The following TLN2 variants were observed in gnomAD, a reference collection of about 807,000 sequenced individuals.
The protein encoded by TLN2 is talin 2.
A neutral mutation model predicts 294.7 loss-of-function variants in TLN2; 118 were observed. The ratio of observed to expected loss-of-function variants is 0.40; its 90% CI spans 0.34 to 0.47. TLN2 has a LOEUF of 0.47. Ranked by LOEUF, TLN2 falls within the 20% of genes least tolerant of loss-of-function variation. The pLI is 0.84. For missense variants in TLN2, 3,083 were observed against 3,282.2 expected (o/e 0.94, Z 1.48); for synonymous variants, 1,431 against 1,304.5 (o/e 1.10, Z -2.09).
intron 3 of TLN2, among the ~76,000 whole-genome samples, chr15:62,642,753 A>C (rs570057391): frequency 4.7e-5 from 7 of 149,062 alleles, no homozygotes; most frequent in African/African-American, 1.7e-4. Flanking sequence ...GCTGGGGTGC[A>C]GTGGCACAAT....
intron 1 of TLN2, among the ~76,000 whole-genome samples, chr15:62,556,911 A>C (rs117444482): frequency 0.022 from 3,413 of 152,358 alleles, 44 homozygotes; most frequent in Non-Finnish European, 0.025. Flanking sequence ...GTATCAAATT[A>C]ACTGTAATCA....
In TLN2 at chr15:62,833,488, T is replaced by C; in HGVS notation, c.7003-16T>C. Reference sequence around the variant, plus strand: ...GGATATGAATTGAATGTGATGCTGTTTTCTTTTGGTTATAGCAAGCGGATG... The same window carrying C: ...GGATATGAATTGAATGTGATGCTGTCTTCTTTTGGTTATAGCAAGCGGATG... On this transcript the variant is annotated splice_polypyrimidine_tract_variant and intron_variant, in intron 54 of 58. Transcript: ENST00000636159. The C allele has an allele frequency of 6.2e-7, 1 of 1,612,068 alleles. No individual in the cohort carries two copies. The highest frequency in any genetic ancestry group is 2.2e-5 in the East Asian group (1 of 44,814).
chr15:62,493,695 C>A (rs1435765270), intron 1 of TLN2, among the ~76,000 whole-genome samples: 5 of 150,026 alleles, frequency 3.3e-5, no homozygotes, highest in Non-Finnish European at 5.9e-5. Flanking sequence ...ACTGTAGCTT[C>A]CGCCTCCCGG....
intron 1 of TLN2, among the ~76,000 whole-genome samples, chr15:62,544,344 G>A (rs1268316031): frequency 6.6e-6 from 1 of 152,086 alleles, no homozygotes; most frequent in Non-Finnish European, 1.5e-5. Flanking sequence ...GCCAACACTC[G>A]TGGTCTCTGC....
At chr15:62,706,919 C>CT (rs2059110449) in intron 19 of TLN2, among the ~76,000 whole-genome samples, 167 bp from the exon 20 acceptor site, 1 of 152,070 alleles carries the variant, frequency 6.6e-6, no homozygotes, top group Non-Finnish European at 1.5e-5. Flanking sequence ...TACAAGTCTC[C>CT]TTTTTTAATT....
chr15:62,579,390 T>C (rs973114433), intron 1 of TLN2, among the ~76,000 whole-genome samples: 10 of 152,224 alleles, frequency 6.6e-5, no homozygotes, highest in Admixed American at 5.2e-4. Flanking sequence ...TTCTTATTTA[T>C]GGAAAGTGAG....
In TLN2 at chr15:62,835,784, G is replaced by A. The variant is rs8038919; in HGVS notation, c.7176G>A (p.Gln2392=). 177,961 of 1,614,132 alleles carry A rather than the reference G, an allele frequency of 0.11. 10,418 individuals carry two copies. Among genetic ancestry groups the A allele is most frequent in the South Asian group, 0.16 (14,369 of 91,074 alleles). Residue 2392 remains glutamine (Q), a synonymous_variant, in exon 56 of 59, where the codon CAG becomes CAA. Coordinates refer to ENST00000636159, the MANE Select transcript of TLN2 (RefSeq NM_015059.3). ...CTGCAGACGACGGACAGTGGTCACA[G>A]GGGCTGATTTCTGCTGTGAGTTGCC... The part of the protein sequence containing the change: ...ANAADDGQWS[Q]GLISAARMVA...
intron 1 of TLN2, among the ~76,000 whole-genome samples, chr15:62,440,211 G>A (rs548227900): frequency 6.6e-6 from 1 of 152,250 alleles, no homozygotes; most frequent in East Asian, 1.9e-4. Flanking sequence ...GGCCTCTCAC[G>A]AACTTGATTC....
intron 1 of TLN2, among the ~76,000 whole-genome samples, chr15:62,560,725 C>T (rs1375364330): frequency 1.3e-5 from 2 of 152,232 alleles, no homozygotes; most frequent in Non-Finnish European, 2.9e-5. Flanking sequence ...TGGACGATGC[C>T]CCTGCCCTGC....
At chr15:62,580,429 T>TCCCTCCCTTCCG (rs2044852204) in intron 1 of TLN2, among the ~76,000 whole-genome samples, 1 of 112,414 alleles carries the variant, frequency 8.9e-6, no homozygotes, top group African/African-American at 3.3e-5. Context: ...CCTCCCTTCC[T>TCCCTCCCTTCCG]TCCCATTGTC....
At chr15:62,409,359 A>C (rs1233201889) in intron 1 of TLN2, among the ~76,000 whole-genome samples, 3 of 152,182 alleles carry the variant, frequency 2.0e-5, no homozygotes, top group Non-Finnish European at 2.9e-5. Context: ...TTTTTACCAG[A>C]AGCCAGTCAC....
chr15:62,655,148 T>C (rs1397819166), intron 7 of TLN2, among the ~76,000 whole-genome samples: 1 of 152,180 alleles, frequency 6.6e-6, no homozygotes, highest in Admixed American at 6.5e-5. Flanking sequence ...ATCCCAAGGA[T>C]TTATTATTAT....
intron 41 of TLN2, among the ~76,000 whole-genome samples, chr15:62,769,628 G>A (rs140551529): frequency 2.8e-4 from 42 of 152,176 alleles, no homozygotes; most frequent in African/African-American, 9.9e-4. Context: ...TTTTGGACAC[G>A]TTCCCTCACC....
intron 1 of TLN2, among the ~76,000 whole-genome samples, chr15:62,424,849 C>T (rs1413736289): frequency 2.2e-5 from 3 of 134,824 alleles, no homozygotes; most frequent in Non-Finnish European, 4.8e-5. Flanking sequence ...GGTGGGGTTT[C>T]ACTGTGTTGG....
intron 36 of TLN2, chr15:62,754,407 G>C (rs1405794134): frequency 6.6e-6 from 1 of 152,278 alleles, no homozygotes; most frequent in Non-Finnish European, 1.5e-5. Context: ...GCACTGAACC[G>C]GGCCTCAAAG....
intron 1 of TLN2, among the ~76,000 whole-genome samples, chr15:62,443,821 G>A (rs898564310): frequency 5.3e-5 from 8 of 152,056 alleles, no homozygotes; most frequent in African/African-American, 1.7e-4. Flanking sequence ...TGGTAACGGC[G>A]AAACCCTATC....
At chr15:62,670,871 CAGCAGCTGTACCAT>C (rs927104520) in intron 9 of TLN2, among the ~76,000 whole-genome samples, 8 of 152,208 alleles carry the variant, frequency 5.3e-5, no homozygotes, top group African/African-American at 1.9e-4. Context: ...AACTTTTTTA[CAGCAGCTGTACCAT>C]TGTACATTCC....
Position 62,512,054 on chromosome 15 carries a change from A to G in TLN2, c.-237-77633A>G, listed in dbSNP as rs141439052. On this transcript the variant is annotated intron_variant, in intron 1 of 58. Transcript: ENST00000636159. The stretch of plus-strand genomic sequence containing the variant: ...CCTAAATACTCCTCTTCCAGCACTT[A>G]CTTCTTCAGTCACAAAGTTGCTTTG... Among the ~76,000 whole-genome samples, 1,044 of 152,194 alleles carry G rather than the reference A, an allele frequency of 6.9e-3. 4 individuals carry two copies. Among genetic ancestry groups the G allele is most frequent in the Non-Finnish European group, 9.1e-3 (617 of 68,000 alleles).
At chr15:62,830,876 T>C (rs2068758971) in intron 54 of TLN2, 1 of 152,090 alleles carries the variant, frequency 6.6e-6, no homozygotes, top group African/African-American at 2.4e-5. Context: ...AGCAAATGTC[T>C]CCCAGAGATA....
Sources: allele counts gnomAD v4.1 joint callset (sites outside exome capture counted in the v4.1 genomes callset), GRCh38; gene constraint gnomAD v4.1.1; transcripts MANE v1.5; gene names NCBI Gene and HGNC (gene_info 2026-07-23, HGNC 2026-07-21).